The following SGCZ variants were observed in gnomAD, a reference collection of about 807,000 sequenced individuals.
SGCZ encodes zeta-sarcoglycan.
In SGCZ, 40 loss-of-function variants were observed where a neutral mutation model predicts 41.3. The ratio of observed to expected loss-of-function variants is 0.97; its 90% confidence interval spans 0.75 to 1.26. SGCZ has a LOEUF of 1.26. Among genes scored for constraint, SGCZ ranks in the 50% most tolerant of loss-of-function variants. SGCZ has a pLI of 0.00. For missense variants in SGCZ, 552 were observed against 369.8 expected (o/e 1.49, Z -4.04); for synonymous variants, 206 against 137.5 (o/e 1.50, Z -3.49).
chr8:15,132,105 T>A (rs1807928116), intron 1 of SGCZ, among the ~76,000 whole-genome samples: 1 of 152,196 alleles, frequency 6.6e-6, no homozygotes, highest in African/African-American at 2.4e-5. Context: ...CTTAAAGCCA[T>A]TAGCTCAGTT....
intron 5 of SGCZ, among the ~76,000 whole-genome samples, chr8:14,151,697 C>T (rs2116952961): frequency 6.6e-6 from 1 of 152,046 alleles, no homozygotes; most frequent in Non-Finnish European, 1.5e-5. Context: ...AATCACTTTA[C>T]CTAATGTAAA....
chr8:14,346,872 T>A (rs1802907108), intron 2 of SGCZ, among the ~76,000 whole-genome samples: 1 of 152,104 alleles, frequency 6.6e-6, no homozygotes, highest in Non-Finnish European at 1.5e-5. Context: ...TTTAGGGCGT[T>A]TCCTTTTTTT....
chr8:15,047,705 T>C (rs1198448791), intron 1 of SGCZ, among the ~76,000 whole-genome samples: 1 of 152,080 alleles, frequency 6.6e-6, no homozygotes, highest in Non-Finnish European at 1.5e-5. Flanking sequence ...TCTATTATTA[T>C]TGTCACTGCG....
chr8:14,608,639 C>A (rs538461861), intron 1 of SGCZ, among the ~76,000 whole-genome samples: 3 of 21,946 alleles, frequency 1.4e-4, no homozygotes, highest in Middle Eastern at 0.018. Context: ...CAATGGTCAT[C>A]GACATACATT....
intron 1 of SGCZ, among the ~76,000 whole-genome samples, chr8:14,660,040 C>A (rs1807698341): frequency 6.6e-6 from 1 of 152,134 alleles, no homozygotes; most frequent in South Asian, 2.1e-4. Context: ...AAGTTTGAAA[C>A]AGCTTTTTCT....
intron 1 of SGCZ, among the ~76,000 whole-genome samples, chr8:15,075,586 G>A (rs1379853268): frequency 6.6e-6 from 1 of 152,080 alleles, no homozygotes; most frequent in African/African-American, 2.4e-5. Flanking sequence ...GCAGAAAACT[G>A]GTTAGGTGGA....
intron 1 of SGCZ, among the ~76,000 whole-genome samples, chr8:14,925,077 C>T (rs117456041): frequency 2.0e-5 from 3 of 151,968 alleles, no homozygotes; most frequent in South Asian, 2.1e-4. Context: ...AGGCTGCTCT[C>T]GAACTCCTGA....
chr8:14,389,876 A>G (rs1486617523), intron 2 of SGCZ, among the ~76,000 whole-genome samples: 1 of 152,028 alleles, frequency 6.6e-6, no homozygotes, highest in Non-Finnish European at 1.5e-5. Context: ...GCCATATGAA[A>G]CTAATTGTAA....
intron 3 of SGCZ, among the ~76,000 whole-genome samples, chr8:14,277,677 G>A (rs1800282470): frequency 6.6e-6 from 1 of 152,094 alleles, no homozygotes; most frequent in African/African-American, 2.4e-5. Context: ...GGCATGCTGA[G>A]CACCTTGAAT....
At chr8:14,262,018 C>A (rs536907417) in intron 3 of SGCZ, among the ~76,000 whole-genome samples, 1 of 152,132 alleles carries the variant, frequency 6.6e-6, no homozygotes, top group African/African-American at 2.4e-5. Context: ...AATTTAAGCA[C>A]GACAAAATAG....
At chr8:14,585,914 T>C (rs1368933214) in intron 1 of SGCZ, among the ~76,000 whole-genome samples, 3 of 152,136 alleles carry the variant, frequency 2.0e-5, no homozygotes, top group Non-Finnish European at 4.4e-5. Context: ...GCCACACAGT[T>C]GCTTTTATTT....
intron 6 of SGCZ, among the ~76,000 whole-genome samples, chr8:14,103,127 G>GAAAGA (rs1215916349): frequency 2.0e-5 from 3 of 152,030 alleles, no homozygotes; most frequent in African/African-American, 4.8e-5. Context: ...ATCAGTCTGT[G>GAAAGA]AAAGAAAAAT....
intron 1 of SGCZ, among the ~76,000 whole-genome samples, chr8:14,711,453 A>AAAG (rs1809512661): frequency 6.7e-6 from 1 of 149,430 alleles, no homozygotes; most frequent in South Asian, 2.1e-4. Context: ...AAAAAAAAAA[A>AAAG]AAGTTAGGCA....
Position 15,062,463 on chromosome 8 carries a change from T to C in SGCZ, c.39+175122A>G, listed in dbSNP as rs1367825160. Among the ~76,000 whole-genome samples, 4 of 152,166 alleles carry C rather than the reference T, an allele frequency of 2.6e-5. No homozygotes were observed. In the East Asian group the frequency reaches 7.7e-4, roughly 29 times the overall value. ...CCCACCACTTCCATTTCACCATTCC[T>C]ATGCAATAACGATATTTAGGACTTG... On this transcript the variant is annotated intron_variant, in intron 1 of 7. Transcript: ENST00000382080.
intron 1 of SGCZ, among the ~76,000 whole-genome samples, chr8:15,181,939 A>G (rs1800192426): frequency 6.6e-6 from 1 of 152,136 alleles, no homozygotes; most frequent in South Asian, 2.1e-4. Context: ...CAATTTTTGA[A>G]CCTGTGTTAC....
At chr8:14,970,332 T>G (rs972360851) in intron 1 of SGCZ, among the ~76,000 whole-genome samples, 1 of 152,190 alleles carries the variant, frequency 6.6e-6, no homozygotes, top group East Asian at 1.9e-4. Context: ...AATGCTGTTC[T>G]GGAAGAGCAG....
intron 1 of SGCZ, among the ~76,000 whole-genome samples, chr8:14,662,278 A>C (rs12544291): frequency 0.19 from 29,170 of 152,168 alleles, 3,528 homozygotes; most frequent in East Asian, 0.44. Flanking sequence ...TTTGGATTCA[A>C]ACAGATGTTA....
intron 1 of SGCZ, among the ~76,000 whole-genome samples, chr8:15,195,440 T>C (rs763254350): frequency 2.6e-5 from 4 of 152,200 alleles, no homozygotes; most frequent in African/African-American, 4.8e-5. Context: ...GTGGTCTTAG[T>C]GCTCGGCAAG....
intron 1 of SGCZ, among the ~76,000 whole-genome samples, chr8:14,641,859 T>C (rs1397291): frequency 0.25 from 38,541 of 151,496 alleles, 5,111 homozygotes; most frequent in Non-Finnish European, 0.29. Flanking sequence ...TTTACTGTAA[T>C]TCTATTCTTT....
Sources: gnomAD v4.1 joint callset for allele counts (sites outside exome capture counted in the v4.1 genomes callset) on GRCh38, gnomAD v4.1.1 for gene constraint, MANE v1.5 for transcripts, NCBI Gene and HGNC (gene_info 2026-07-23, HGNC 2026-07-21) for gene names.